The following CADM2 variants were observed in gnomAD, a reference collection of about 807,000 sequenced individuals.
CADM2 encodes the protein immunoglobulin superfamily member 4D.
In CADM2, 12 loss-of-function variants were observed where a neutral mutation model predicts 49.8. The observed-to-expected ratio is 0.24, with a 90% CI of 0.15 to 0.39. The LOEUF (loss-of-function observed/expected upper bound fraction) is 0.39. Ranked by LOEUF, CADM2 falls within the 10% of genes least tolerant of loss-of-function variation. The pLI is 1.00. For missense variants in CADM2, 378 were observed against 492.3 expected, an observed-to-expected ratio of 0.77 and a Z score of 2.20; for synonymous variants, 214 against 175.4, an observed-to-expected ratio of 1.22 and a Z score of -1.74.
At chr3:85,987,435 A>G (rs774130478) in intron 8 of CADM2, among the ~76,000 whole-genome samples, 4 of 151,498 alleles carry the variant, frequency 2.6e-5, no homozygotes, top group Non-Finnish European at 5.9e-5. Flanking sequence ...TACATTTAGA[A>G]GTGTCTTAAT....
intron 1 of CADM2, among the ~76,000 whole-genome samples, chr3:85,425,941 G>C (rs1006475186): frequency 6.6e-6 from 1 of 152,020 alleles, no homozygotes; most frequent in African/African-American, 2.4e-5. Flanking sequence ...CATTTATATG[G>C]AACATGTTCT....
chr3:85,503,315 A>G (rs1341732407), intron 1 of CADM2, among the ~76,000 whole-genome samples: 1 of 152,180 alleles, frequency 6.6e-6, no homozygotes, highest in East Asian at 1.9e-4. Flanking sequence ...AGGAAGTCAA[A>G]TGCATTGACA....
At chr3:85,676,750 T>G (rs2065897389) in intron 1 of CADM2, among the ~76,000 whole-genome samples, 1 of 152,294 alleles carries the variant, frequency 6.6e-6, no homozygotes, top group South Asian at 2.1e-4. Context: ...ATACTGCTTT[T>G]TGTATACAAG....
intron 1 of CADM2, among the ~76,000 whole-genome samples, chr3:85,142,716 A>G (rs1224440993): frequency 6.6e-6 from 1 of 152,222 alleles, no homozygotes; most frequent in Non-Finnish European, 1.5e-5. Flanking sequence ...ATCATAAGCT[A>G]CGAACCTTTT....
At chr3:85,887,338 C>T (rs530266904) in intron 5 of CADM2, among the ~76,000 whole-genome samples, 2 of 152,256 alleles carry the variant, frequency 1.3e-5, no homozygotes, top group South Asian at 2.1e-4. Flanking sequence ...CTGCCTCAGC[C>T]TCCTAAAGTG....
intron 1 of CADM2, among the ~76,000 whole-genome samples, chr3:85,308,293 A>G (rs60902601): frequency 0.037 from 5,359 of 144,620 alleles, 335 homozygotes; most frequent in African/African-American, 0.13. Context: ...AAATATCTAT[A>G]TCTATATCTA....
chr3:85,966,337 A>G (rs1171175903), intron 8 of CADM2, among the ~76,000 whole-genome samples: 1 of 151,696 alleles, frequency 6.6e-6, no homozygotes, highest in Non-Finnish European at 1.5e-5. Context: ...GCACTATTCC[A>G]TAAAGTTTTT....
At chr3:85,837,944 A>T (rs1460247322) in intron 3 of CADM2, among the ~76,000 whole-genome samples, 1 of 151,782 alleles carries the variant, frequency 6.6e-6, no homozygotes, top group Non-Finnish European at 1.5e-5. Context: ...CTTATAATGC[A>T]TATTCTACTG....
At chr3:85,045,937 T>C (rs776798244) in intron 1 of CADM2, among the ~76,000 whole-genome samples, 7 of 152,156 alleles carry the variant, frequency 4.6e-5, no homozygotes, top group Non-Finnish European at 8.8e-5. Context: ...CTTAGGAACA[T>C]TGGATAGTGT....
chr3:85,330,793 C>CAA (rs71617938), intron 1 of CADM2, among the ~76,000 whole-genome samples: 5,749 of 112,880 alleles, frequency 0.051, 201 homozygotes, highest in Non-Finnish European at 0.071. Flanking sequence ...TCCATCTCTC[C>CAA]AAAAAAAAAA....
chr3:85,511,166 C>T (rs1429902323), intron 1 of CADM2, among the ~76,000 whole-genome samples: 2 of 151,978 alleles, frequency 1.3e-5, no homozygotes, highest in South Asian at 4.1e-4. Flanking sequence ...ACCAATATGC[C>T]CTATAGGTTT....
intron 7 of CADM2, among the ~76,000 whole-genome samples, chr3:85,950,094 A>G (rs565610654): frequency 6.6e-6 from 1 of 151,346 alleles, no homozygotes; most frequent in African/African-American, 2.4e-5. Context: ...TTAATAGTCA[A>G]TAATTTTCAA....
At chr3:85,777,078 G>A (rs1341447885) in intron 2 of CADM2, among the ~76,000 whole-genome samples, 1 of 151,842 alleles carries the variant, frequency 6.6e-6, no homozygotes, top group Non-Finnish European at 1.5e-5. Flanking sequence ...TTTCCAGAAT[G>A]TACATAAATA....
At chr3:85,550,126 A>G (rs1353772903) in intron 1 of CADM2, among the ~76,000 whole-genome samples, 1 of 152,290 alleles carries the variant, frequency 6.6e-6, no homozygotes, top group African/African-American at 2.4e-5. Flanking sequence ...CCAAGGTCAC[A>G]CACTGTAATG....
intron 1 of CADM2, among the ~76,000 whole-genome samples, chr3:85,408,256 A>T (rs1352609990): frequency 6.6e-6 from 1 of 152,170 alleles, no homozygotes; most frequent in Non-Finnish European, 1.5e-5. Context: ...CAGCGCAGTA[A>T]ATGTAGGTAT....
At chr3:85,465,389 A>AT (rs2038446443) in intron 1 of CADM2, among the ~76,000 whole-genome samples, 1 of 152,164 alleles carries the variant, frequency 6.6e-6, no homozygotes, top group South Asian at 2.1e-4. Context: ...TAAGAAGTAC[A>AT]TTTTGATGAA....
chr3:85,720,068 A>T (rs751674626), intron 1 of CADM2, among the ~76,000 whole-genome samples: 4 of 152,202 alleles, frequency 2.6e-5, no homozygotes, highest in Non-Finnish European at 5.9e-5. Flanking sequence ...TCTACACATG[A>T]TAATTAATTG....
intron 1 of CADM2, among the ~76,000 whole-genome samples, chr3:85,434,696 T>C (rs1209679744): frequency 6.6e-6 from 1 of 151,448 alleles, no homozygotes; most frequent in Non-Finnish European, 1.5e-5. Context: ...AATTTAAAGG[T>C]CACTTTGAAG....
chr3:85,317,920 G>T (rs899105687), intron 1 of CADM2, among the ~76,000 whole-genome samples: 4 of 152,156 alleles, frequency 2.6e-5, no homozygotes, highest in Admixed American at 6.5e-5. Context: ...ATGGATAAAA[G>T]AAAGGAAAAA....
Sources: allele counts gnomAD v4.1 joint callset (sites outside exome capture counted in the v4.1 genomes callset), GRCh38; gene constraint gnomAD v4.1.1; transcripts MANE v1.5; gene names NCBI Gene and HGNC (gene_info 2026-07-23, HGNC 2026-07-21).